VWCE: variants seen among roughly 807,000 people sequenced by gnomAD.
VWCE encodes von Willebrand factor C and EGF domains.
A neutral mutation model predicts 102.9 loss-of-function variants in VWCE; 68 were observed. That is an observed-to-expected ratio of 0.66 (90% CI 0.54 to 0.81). The LOEUF is 0.81. VWCE is among the 30% of genes least tolerant of loss of function. The probability of loss-of-function intolerance (pLI) is 0.00; values close to 1 mark genes in which losing one functional copy is unlikely to be tolerated. For missense variants in VWCE, 1,137 were observed against 1,263.6 expected, an observed-to-expected ratio of 0.90 and a Z score of 1.52; for synonymous variants, 497 against 515.4, an observed-to-expected ratio of 0.96 and a Z score of 0.48.
At chr11:61,260,430 C>T (rs1333618226) in intron 19 of VWCE, among the ~76,000 whole-genome samples, 1 of 152,048 alleles carries the variant, frequency 6.6e-6, no homozygotes, top group Non-Finnish European at 1.5e-5. Context: ...CATGCTACCA[C>T]ACCTGGCATT....
At chr11:61,273,391 C>G (rs1251587287) in intron 12 of VWCE, 75 bp from the exon 13 acceptor site, 22 of 1,398,184 alleles carry the variant, frequency 1.6e-5, no homozygotes, top group Non-Finnish European at 2.1e-5. Flanking sequence ...GAGGAGGCCG[C>G]AGGCTGCCTG....
Position 61,294,097 on chromosome 11 carries a change from C to T in VWCE, c.110+831G>A, listed in dbSNP as rs1855599239. Among the ~76,000 whole-genome samples the T allele has an allele frequency of 6.6e-6, 1 of 152,116 alleles. No individual in the cohort carries two copies. Among genetic ancestry groups the T allele is most frequent in the Admixed American group, 6.5e-5 (1 of 15,286 alleles). Reference sequence around the variant, plus strand: ...GTCGAACTCTCAGGTGGGCAGGGACCGAGCACCCGCCAGAGCGCCCTAAGG... The same window carrying T: ...GTCGAACTCTCAGGTGGGCAGGGACTGAGCACCCGCCAGAGCGCCCTAAGG... On this transcript the variant is annotated intron_variant, in intron 1 of 19. Transcript: ENST00000335613. This position sits in a 1 kb window ranked among gnomAD's most constrained non-coding sequence, Gnocchi z 6.3.
intron 6 of VWCE, chr11:61,282,581 A>G: frequency 1.8e-6 from 1 of 549,286 alleles, no homozygotes; most frequent in Non-Finnish European, 3.2e-6. Context: ...GAAAGTGGCA[A>G]ATGGCCAGGA....
chr11:61,282,553 A>C (rs1855176267), intron 6 of VWCE: 23 of 482,352 alleles, frequency 4.8e-5, no homozygotes, highest in East Asian at 7.0e-5. Context: ...GAGGAGCGGA[A>C]GAGAAACATA....
rs1368798403 is a variant in VWCE at position 61,281,804 on chromosome 11, C to G, written c.769G>C (p.Asp257His). The G allele has an allele frequency of 2.5e-6, 4 of 1,613,086 alleles. No homozygotes were observed. In the South Asian group the frequency reaches 4.4e-5, roughly 18 times the overall value. Reference protein sequence around the residue: ...TCRPGFRLRADRVSCEAFPKA... With the variant: ...TCRPGFRLRAHRVSCEAFPKA... ...CGCTCACCTTCACAGGACACGCGGT[C>G]AGCTCGGAGCCTGAAGCCAGGTCGG... Residue 257 changes from aspartate to histidine, a missense_variant, in exon 7 of 20, where the codon GAC becomes CAC. Coordinates refer to ENST00000335613, the MANE Select transcript of VWCE (RefSeq NM_152718.2).
At chr11:61,289,350 A>G (rs962230921) in intron 4 of VWCE, among the ~76,000 whole-genome samples, 1 of 151,770 alleles carries the variant, frequency 6.6e-6, no homozygotes, top group Admixed American at 6.6e-5. Flanking sequence ...TGCTGGGTTC[A>G]TGCAATTCTC....
At chr11:61,261,274 T>C (rs940537742) in intron 19 of VWCE, among the ~76,000 whole-genome samples, 1 of 151,706 alleles carries the variant, frequency 6.6e-6, no homozygotes, top group Non-Finnish European at 1.5e-5. Flanking sequence ...AAATCAGACG[T>C]TGTCAAGCAC....
chr11:61,280,547 G>T, intron 9 of VWCE, 77 bp downstream of exon 9: 1 of 1,456,412 alleles, frequency 6.9e-7, no homozygotes, highest in Non-Finnish European at 9.5e-7. Context: ...TAATGTTAAA[G>T]AACAGCCTTT....
intron 19 of VWCE, among the ~76,000 whole-genome samples, chr11:61,263,378 A>C (rs1854414375): frequency 1.3e-5 from 2 of 152,222 alleles, no homozygotes; most frequent in Non-Finnish European, 2.9e-5. Context: ...GCTAAGCGAA[A>C]TAAGCCAGAC....
intron 16 of VWCE, among the ~76,000 whole-genome samples, chr11:61,265,434 G>A (rs1191381645): frequency 6.6e-6 from 1 of 152,134 alleles, no homozygotes; most frequent in South Asian, 2.1e-4. Context: ...ACTTGTCCAC[G>A]GAGGGCATCT....
intron 16 of VWCE, 145 bp downstream of exon 16, chr11:61,267,317 C>T (rs1460284997): frequency 2.0e-5 from 15 of 767,556 alleles, no homozygotes; most frequent in Non-Finnish European, 3.3e-5. Flanking sequence ...TCACCCTGGG[C>T]AGGACTGGAG....
rs1213851796 is a variant in VWCE, at chr11:61,291,134, C to T, written c.295+130G>A. The T allele has an allele frequency of 1.6e-5, 20 of 1,225,420 alleles. No individual in the cohort carries two copies. In the Admixed American group the frequency reaches 4.3e-4, roughly 26 times the overall value. 75.9% of individuals were successfully genotyped at this position (1,225,420 alleles called of 1,614,324 possible). A position where few individuals can be genotyped will look rare whatever the true frequency, so the allele number is the denominator to read the frequency against. On this transcript the variant is annotated intron_variant, in intron 3 of 19. Coordinates refer to ENST00000335613, the MANE Select transcript of VWCE (RefSeq NM_152718.2). ...TCAGTTTCTTCATCTATAAAATGGG[C>T]ACAAAATGTCTACCTAATGGAGTTG... is the stretch of plus-strand genomic sequence containing the variant.
intron 13 of VWCE, among the ~76,000 whole-genome samples, chr11:61,272,340 TACACAC>T: frequency 1.3e-5 from 2 of 150,900 alleles, no homozygotes; most frequent in Admixed American, 1.3e-4. Flanking sequence ...GACACAAACT[TACACAC>T]AGACACACTC....
At chr11:61,267,673 TG>T in intron 15 of VWCE, 129 bp from the exon 16 acceptor site, 1 of 789,066 alleles carries the variant, frequency 1.3e-6, no homozygotes, top group Non-Finnish European at 2.1e-6. Flanking sequence ...GCAGTCACCC[TG>T]GGAGTTAGGG....
chr11:61,279,493 C>T (rs551848654), intron 9 of VWCE, among the ~76,000 whole-genome samples: 57 of 149,608 alleles, frequency 3.8e-4, no homozygotes, highest in Middle Eastern at 3.4e-3. Context: ...ACCCTAGAGG[C>T]GGAGGCTGCA....
chr11:61,278,467 TG>T lies in VWCE; in HGVS notation c.1333del (p.His445ThrfsTer55). On this transcript the variant is annotated frameshift_variant, in exon 10 of 20. Coordinates refer to ENST00000335613, the MANE Select transcript of VWCE (RefSeq NM_152718.2). LOFTEE classifies it high-confidence loss of function. ...GCCPSCTGCFHSGVVRAEGDV... is the reference protein window; with the variant it reads ...GCCPSCTGCFXSGVVRAEGDV... The stretch of plus-strand genomic sequence containing the variant: ...CCCTTCAGCTCGGACGACACCACTG[TG>T]AAAACAGCCTTTGAAGGACAAATAG... 6.2e-7 allele frequency: 1 copy of T among 1,614,100 alleles called. No individual in the cohort carries two copies. The highest frequency in any genetic ancestry group is 8.5e-7 in the Non-Finnish European group (1 of 1,179,992).
intron 15 of VWCE, among the ~76,000 whole-genome samples, chr11:61,268,139 T>G (rs1276523370): frequency 6.6e-6 from 1 of 151,014 alleles, no homozygotes; most frequent in Non-Finnish European, 1.5e-5. Context: ...ATAATGTACA[T>G]CTACTAAATG....
intron 19 of VWCE, among the ~76,000 whole-genome samples, chr11:61,260,332 G>C (rs1854315636): frequency 6.6e-6 from 1 of 152,142 alleles, no homozygotes; most frequent in Non-Finnish European, 1.5e-5. Context: ...GGAGTGCAGT[G>C]GTGCAAACAT....
At chr11:61,286,826 G>C (rs113218563) in intron 4 of VWCE, among the ~76,000 whole-genome samples, 4 of 150,492 alleles carry the variant, frequency 2.7e-5, no homozygotes, top group Admixed American at 6.6e-5. Context: ...GGCCGGGCGC[G>C]GTGGCTCACG....
Sources: allele counts gnomAD v4.1 joint callset (sites outside exome capture counted in the v4.1 genomes callset), GRCh38; gene constraint gnomAD v4.1.1; non-coding constraint Gnocchi (gnomAD v3.1); transcripts MANE v1.5; gene names NCBI Gene and HGNC (gene_info 2026-07-23, HGNC 2026-07-21).